DCC: variants seen among roughly 807,000 people sequenced by gnomAD.
DCC encodes DCC netrin 1 receptor, also known as netrin receptor DCC.
In DCC, 58 loss-of-function variants were observed where a neutral mutation model predicts 172.5. That is an observed-to-expected ratio of 0.34 (90% confidence interval 0.27 to 0.42). The LOEUF (loss-of-function observed/expected upper bound fraction) is 0.42, where lower values mean the gene tolerates loss of function less well. Among genes scored for constraint, DCC ranks in the 10% least tolerant of loss-of-function variants. DCC has a pLI of 1.00. For missense variants in DCC, 1,740 were observed against 1,791.0 expected (o/e 0.97, Z 0.51); for synonymous variants, 709 against 644.5 (o/e 1.10, Z -1.52).
intron 1 of DCC, among the ~76,000 whole-genome samples, chr18:52,697,691 T>A (rs2036036790): frequency 6.6e-6 from 1 of 151,494 alleles, no homozygotes; most frequent in Admixed American, 6.6e-5. Context: ...TGCAAATATG[T>A]ATAGACATAG....
chr18:52,549,048 A>T (rs979539329), intron 1 of DCC, among the ~76,000 whole-genome samples: 1 of 152,042 alleles, frequency 6.6e-6, no homozygotes, highest in Admixed American at 6.6e-5. Context: ...ATTAGAGGAG[A>T]TTAAGATATT....
At chr18:53,002,468 T>A (rs1250108677) in intron 5 of DCC, among the ~76,000 whole-genome samples, 1 of 152,086 alleles carries the variant, frequency 6.6e-6, no homozygotes, top group Non-Finnish European at 1.5e-5. Flanking sequence ...CACCACCTTT[T>A]TCTTATCATA....
intron 15 of DCC, among the ~76,000 whole-genome samples, chr18:53,364,843 C>T (rs931613758): frequency 6.6e-6 from 1 of 152,078 alleles, no homozygotes; most frequent in Non-Finnish European, 1.5e-5. Flanking sequence ...TGTACATGTG[C>T]ACATGTGCAC....
chr18:52,713,059 CA>C (rs146586812), intron 1 of DCC, among the ~76,000 whole-genome samples: 6,272 of 152,280 alleles, frequency 0.041, 203 homozygotes, highest in South Asian at 0.13. Flanking sequence ...ATTTGGGATA[CA>C]AAACCACTTT....
chr18:52,522,431 T>TGATCCAGAACTAACAACACTG (rs1257160563), intron 1 of DCC, among the ~76,000 whole-genome samples: 1 of 152,200 alleles, frequency 6.6e-6, no homozygotes, highest in Non-Finnish European at 1.5e-5. Flanking sequence ...TGAGACCCCC[T>TGATCCAGAACTAACAACACTG]GATCCAGAAC....
chr18:53,501,490 A>ATAT (rs2046097016), intron 27 of DCC, among the ~76,000 whole-genome samples: 1 of 152,216 alleles, frequency 6.6e-6, no homozygotes, highest in Non-Finnish European at 1.5e-5. Flanking sequence ...ATCAAGAAAC[A>ATAT]TCTTAAAATA....
In DCC at chr18:52,960,930, G is replaced by A. The variant is rs997317337; in HGVS notation, c.985+35560G>A. Among the ~76,000 whole-genome samples, 6 of 152,176 alleles carry A rather than the reference G, an allele frequency of 3.9e-5. 1 individual carries two copies. The South Asian group carries it at 1.0e-3, about 26-fold the overall frequency. ...GTAGTAAGACTAAAGTAGGTCACAC[G>A]CTGAATTTTGATGGCTCTTTAGAGA... On this transcript the variant is annotated intron_variant, in intron 5 of 28. Transcript: ENST00000442544.
chr18:52,445,963 G>T (rs1988107583), intron 1 of DCC, among the ~76,000 whole-genome samples: 1 of 152,120 alleles, frequency 6.6e-6, no homozygotes, highest in South Asian at 2.1e-4. Flanking sequence ...AGTCTCGCTC[G>T]CTCTGTCGCC....
intron 12 of DCC, among the ~76,000 whole-genome samples, chr18:53,295,611 T>C (rs1480870869): frequency 6.6e-6 from 1 of 152,182 alleles, no homozygotes; most frequent in African/African-American, 2.4e-5. Flanking sequence ...ATAACATTTG[T>C]TCTGAATGAT....
chr18:53,266,696 C>G (rs1187942866), intron 12 of DCC, among the ~76,000 whole-genome samples: 2 of 151,962 alleles, frequency 1.3e-5, no homozygotes, highest in African/African-American at 4.8e-5. Context: ...CCTCACACTT[C>G]AGCCATAGGT....
At chr18:52,579,821 A>G (rs2033501956) in intron 1 of DCC, among the ~76,000 whole-genome samples, 1 of 152,238 alleles carries the variant, frequency 6.6e-6, no homozygotes, top group Admixed American at 6.5e-5. Flanking sequence ...TAGAAAAGGC[A>G]AAAGCAGGAA....
At chr18:52,885,803 G>C (rs959639498) in intron 2 of DCC, among the ~76,000 whole-genome samples, 1 of 152,036 alleles carries the variant, frequency 6.6e-6, no homozygotes, top group Non-Finnish European at 1.5e-5. Context: ...AGGGCTCTAG[G>C]TCCTTGGCAT....
chr18:52,603,625 C>CAG (rs1297174690), intron 1 of DCC, among the ~76,000 whole-genome samples: 22 of 147,416 alleles, frequency 1.5e-4, no homozygotes, highest in African/African-American at 4.2e-4. Flanking sequence ...CACACACACA[C>CAG]AGTTTATTCT....
intron 12 of DCC, among the ~76,000 whole-genome samples, chr18:53,289,553 G>T (rs914162980): frequency 1.3e-5 from 2 of 152,094 alleles, no homozygotes; most frequent in African/African-American, 4.8e-5. Flanking sequence ...AGTTGAATAT[G>T]CCTGTTTCAG....
intron 1 of DCC, among the ~76,000 whole-genome samples, chr18:52,668,751 AG>A (rs1433489594): frequency 6.6e-6 from 1 of 152,214 alleles, no homozygotes; most frequent in Admixed American, 6.5e-5. Context: ...TCCTACTGAA[AG>A]TTGATGTTTC....
chr18:52,443,043 C>T (rs1988017562), intron 1 of DCC, among the ~76,000 whole-genome samples: 1 of 151,844 alleles, frequency 6.6e-6, no homozygotes, highest in Non-Finnish European at 1.5e-5. Context: ...ATCAGAACTT[C>T]AGTGTAACAA....
intron 1 of DCC, among the ~76,000 whole-genome samples, chr18:52,499,086 C>G (rs1347380942): frequency 6.6e-6 from 1 of 152,160 alleles, no homozygotes; most frequent in Non-Finnish European, 1.5e-5. Context: ...GTCATCTTTG[C>G]TGCTTAAATT....
At chr18:53,303,905 T>A (rs1374751162) in intron 12 of DCC, among the ~76,000 whole-genome samples, 1 of 152,172 alleles carries the variant, frequency 6.6e-6, no homozygotes, top group Non-Finnish European at 1.5e-5. Context: ...GGGGATTTTA[T>A]TGCCAGATGG....
At chr18:53,248,686 G>C (rs866276485) in intron 12 of DCC, among the ~76,000 whole-genome samples, 1 of 151,954 alleles carries the variant, frequency 6.6e-6, no homozygotes, top group Non-Finnish European at 1.5e-5. Context: ...TTTAATGCCA[G>C]TTTCAATAAA....
Sources: allele counts gnomAD v4.1 joint callset (sites outside exome capture counted in the v4.1 genomes callset), GRCh38; gene constraint gnomAD v4.1.1; transcripts MANE v1.5; gene names NCBI Gene and HGNC (gene_info 2026-07-23, HGNC 2026-07-21).